The following PGPEP1L variants were observed in gnomAD, a reference collection of about 807,000 sequenced individuals.
PGPEP1L encodes pyroglutamyl-peptidase I like.
In PGPEP1L, 7 loss-of-function variants were observed where a neutral mutation model predicts 6.0. The ratio of observed to expected loss-of-function variants is 1.17; its 90% CI spans 0.66 to 2.19. The LOEUF (loss-of-function observed/expected upper bound fraction) is 2.19. Among genes scored for constraint, PGPEP1L ranks in the 30% most tolerant of loss-of-function variants. The probability of loss-of-function intolerance (pLI) is 0.00; values close to 1 mark genes in which losing one functional copy is unlikely to be tolerated. For missense variants in PGPEP1L, 209 were observed against 192.5 expected, an observed-to-expected ratio of 1.09 and a Z score of -0.51; for synonymous variants, 103 against 83.9, an observed-to-expected ratio of 1.23 and a Z score of -1.24.
At chr15:98,972,579 G>T (rs1252591969) in intron 2 of PGPEP1L, among the ~76,000 whole-genome samples, 4 of 151,774 alleles carry the variant, frequency 2.6e-5, no homozygotes, top group African/African-American at 7.3e-5. Flanking sequence ...CAATTAAAAG[G>T]TGCAGTGGGC....
chr15:98,984,222 A>G lies in PGPEP1L; in HGVS notation c.-141-13064T>C, dbSNP rs192930705. 9.7e-4 allele frequency among the ~76,000 whole-genome samples: 147 copies of G among 152,126 alleles called. 2 individuals are homozygous for G. The highest frequency in any genetic ancestry group is 5.2e-4 in the Admixed American group (8 of 15,272). On this transcript the variant is annotated intron_variant, in intron 2 of 4. Coordinates refer to ENST00000535714, the MANE Select transcript of PGPEP1L (RefSeq NM_001167902.2). ...AGACAGAGTTTCACCATGTTAGCCA[A>G]GATGGTCTCGATCTCCTGACCTTGT...
intron 4 of PGPEP1L, 33 bp downstream of exon 4, chr15:98,969,392 C>T (rs370718010): frequency 6.2e-7 from 1 of 1,611,430 alleles, no homozygotes; most frequent in Non-Finnish European, 8.5e-7. Context: ...TTCTCTCCTA[C>T]CTGCTCAGAG....
intron 2 of PGPEP1L, among the ~76,000 whole-genome samples, chr15:98,976,829 C>A (rs2017576917): frequency 6.6e-6 from 1 of 152,046 alleles, no homozygotes; most frequent in African/African-American, 2.4e-5. Context: ...TACATTTTTA[C>A]AGATTATTAT....
At chr15:99,005,196 C>G (rs138083180) in intron 2 of PGPEP1L, among the ~76,000 whole-genome samples, 1 of 152,174 alleles carries the variant, frequency 6.6e-6, no homozygotes. Flanking sequence ...GCCCGCCACT[C>G]GAGAGTTACT....
intron 2 of PGPEP1L, among the ~76,000 whole-genome samples, chr15:99,000,899 A>G (rs1412401632): frequency 5.3e-5 from 8 of 152,098 alleles, no homozygotes; most frequent in South Asian, 4.2e-4. Context: ...TTTACAATCA[A>G]TCTTGCTGCT....
intron 2 of PGPEP1L, among the ~76,000 whole-genome samples, chr15:99,002,485 T>TAC (rs112853612): frequency 0.14 from 21,536 of 151,794 alleles, 1,615 homozygotes; most frequent in African/African-American, 0.17. Context: ...TAGCTGAAAT[T>TAC]ACACACACAC....
intron 1 of PGPEP1L, among the ~76,000 whole-genome samples, chr15:99,005,872 G>C (rs2018049809): frequency 6.6e-6 from 1 of 152,242 alleles, no homozygotes; most frequent in Non-Finnish European, 1.5e-5. Context: ...GGTGCTCAAA[G>C]AGGTACTGTC....
chr15:98,981,016 G>A (rs1181880254), intron 2 of PGPEP1L, among the ~76,000 whole-genome samples: 2 of 151,938 alleles, frequency 1.3e-5, no homozygotes, highest in Non-Finnish European at 2.9e-5. Context: ...AGGTCATCAT[G>A]GACAGTGCTG....
At chr15:98,984,456 G>C (rs2017717677) in intron 2 of PGPEP1L, among the ~76,000 whole-genome samples, 1 of 152,194 alleles carries the variant, frequency 6.6e-6, no homozygotes, top group East Asian at 1.9e-4. Flanking sequence ...GTGGAGATGG[G>C]GATATGTTAC....
At chr15:98,983,002 C>G (rs2017690114) in intron 2 of PGPEP1L, among the ~76,000 whole-genome samples, 1 of 152,022 alleles carries the variant, frequency 6.6e-6, no homozygotes, top group African/African-American at 2.4e-5. Context: ...TGAGCCACCG[C>G]ACCCAGCCTG....
intron 3 of PGPEP1L, among the ~76,000 whole-genome samples, chr15:98,970,401 ATCT>A (rs761443269): frequency 1.1e-4 from 16 of 152,150 alleles, no homozygotes; most frequent in East Asian, 1.9e-4. Flanking sequence ...ATCCAGTGAA[ATCT>A]TCTTAGAATT....
At chr15:99,007,033 T>C in intron 1 of PGPEP1L, among the ~76,000 whole-genome samples, 1 of 152,104 alleles carries the variant, frequency 6.6e-6, no homozygotes, top group East Asian at 1.9e-4. Flanking sequence ...AGCGCTCCCT[T>C]TTAATTGGGA....
intron 2 of PGPEP1L, among the ~76,000 whole-genome samples, chr15:98,983,968 A>T (rs1429972053): frequency 1.4e-5 from 2 of 147,718 alleles, no homozygotes; most frequent in Non-Finnish European, 1.5e-5. Flanking sequence ...CTATAATTCC[A>T]TGAGTTCCCA....
chr15:98,996,621 G>A (rs560951270), intron 2 of PGPEP1L, among the ~76,000 whole-genome samples: 14 of 151,742 alleles, frequency 9.2e-5, no homozygotes, highest in Admixed American at 7.9e-4. Flanking sequence ...ATATGCCTGC[G>A]TGTATGTGTG....
chr15:98,998,502 A>C (rs912061684), intron 2 of PGPEP1L, among the ~76,000 whole-genome samples: 1 of 152,218 alleles, frequency 6.6e-6, no homozygotes, highest in Non-Finnish European at 1.5e-5. Context: ...ATAGACCCAC[A>C]TGAATATGCC....
At position 98,978,706 on chromosome 15, in the gene PGPEP1L, G is replaced by GTATATATA. The variant is rs60484400; in HGVS notation, c.-141-7556_-141-7549dup. ...GTCTTTTTCTCTAGCATTAGACTGT[G>GTATATATA]TATATATATATATATATATATTTTT... On this transcript the variant is annotated intron_variant, in intron 2 of 4. Coordinates refer to ENST00000535714, the MANE Select transcript of PGPEP1L (RefSeq NM_001167902.2). Among the ~76,000 whole-genome samples the GTATATATA allele has an allele frequency of 7.8e-4, 71 of 90,564 alleles. 1 individual carries two copies. The highest frequency in any genetic ancestry group is 2.4e-3 in the African/African-American group (53 of 22,418). 59.4% of individuals were successfully genotyped at this position (90,564 alleles called of 152,430 possible). A position where few individuals can be genotyped will look rare whatever the true frequency, so the allele number is the denominator to read the frequency against.
intron 2 of PGPEP1L, among the ~76,000 whole-genome samples, chr15:98,985,251 C>T (rs2017730736): frequency 6.6e-6 from 1 of 152,198 alleles, no homozygotes; most frequent in Non-Finnish European, 1.5e-5. Context: ...AAGTTTTAAA[C>T]CCACTGGCTG....
At position 99,001,613 on chromosome 15, in the gene PGPEP1L, G is replaced by A. The variant is rs147749139; in HGVS notation, c.-142+3816C>T. On this transcript the variant is annotated intron_variant, in intron 2 of 4. Transcript: ENST00000535714. ...TAAAAACTTTTTATAATGGACTATT[G>A]ATACATACAACCTGGATGAACCTTA... is the stretch of plus-strand genomic sequence containing the variant. 7.3e-4 allele frequency among the ~76,000 whole-genome samples: 111 copies of A among 152,292 alleles called. 5 individuals are homozygous for A. The East Asian group carries it at 9.8e-3, about 13-fold the overall frequency.
At chr15:98,982,728 T>TTTTTTTTTTTTTTTTTTTA (rs2017685051) in intron 2 of PGPEP1L, among the ~76,000 whole-genome samples, 1 of 93,258 alleles carries the variant, frequency 1.1e-5, no homozygotes, top group Non-Finnish European at 2.1e-5. Context: ...TTTTTTTTTT[T>TTTTTTTTTTTTTTTTTTTA]GAGACAGAGT....
Sources: gnomAD v4.1 joint callset for allele counts (sites outside exome capture counted in the v4.1 genomes callset) on GRCh38, gnomAD v4.1.1 for gene constraint, MANE v1.5 for transcripts, NCBI Gene and HGNC (gene_info 2026-07-23, HGNC 2026-07-21) for gene names.